OR10Z1: variants seen among roughly 807,000 people sequenced by gnomAD.
The protein encoded by OR10Z1 is olfactory receptor 10Z1.
For synonymous variants in OR10Z1, 187 were observed against 151.2 expected, an observed-to-expected ratio of 1.24 and a Z score of -1.74; for missense variants, 468 against 371.0, an observed-to-expected ratio of 1.26 and a Z score of -2.15.
Position 158,611,030 on chromosome 1 carries a change from A to G in OR10Z1, c.*3650A>G, listed in dbSNP as rs1649222052. Reference sequence around the variant, plus strand: ...ACCCCTCAGCAGTGACTAGTTGCATACAAAATAGCTTCCACTCCTCCAACT... The same window carrying G: ...ACCCCTCAGCAGTGACTAGTTGCATGCAAAATAGCTTCCACTCCTCCAACT... On this transcript the variant is annotated 3_prime_UTR_variant, in exon 2 of 2. Transcript: ENST00000641002. 1.9e-6 allele frequency: 1 copy of G among 538,210 alleles called. No individual in the cohort carries two copies. The highest frequency in any genetic ancestry group is 3.3e-6 in the Non-Finnish European group (1 of 300,184). The allele number at this position is 538,210 out of a possible 1,614,324, so 33.3% of individuals were successfully genotyped here. A position where few individuals can be genotyped will look rare whatever the true frequency, so the allele number is the denominator to read the frequency against.
rs1649309835 is a variant in OR10Z1 at position 158,612,374 on chromosome 1, A to G, written c.*4994A>G. The G allele has an allele frequency of 4.5e-6, 1 of 222,210 alleles. No homozygotes were observed. Among genetic ancestry groups the G allele is most frequent in the African/African-American group, 2.3e-5 (1 of 42,564 alleles). 13.8% of individuals were successfully genotyped at this position (222,210 alleles called of 1,614,324 possible). A position where few individuals can be genotyped will look rare whatever the true frequency, so the allele number is the denominator to read the frequency against. The stretch of plus-strand genomic sequence containing the variant: ...GAGAAGAGAGATTACTTCTGGTTGT[A>G]ATAAAATTCCCCACATCTTTGTTCC... On this transcript the variant is annotated 3_prime_UTR_variant, in exon 2 of 2. Coordinates refer to ENST00000641002, the MANE Select transcript of OR10Z1 (RefSeq NM_001004478.2).
rs760278042 is a variant in OR10Z1, at chr1:158,609,146, T to C, written c.*1766T>C. ...GAATTCACAGGATTTGGCAGTGAGA[T>C]AGAAGTGGGGCATGGCTTGAGAGAC... On this transcript the variant is annotated 3_prime_UTR_variant, in exon 2 of 2. Coordinates refer to ENST00000641002, the MANE Select transcript of OR10Z1 (RefSeq NM_001004478.2). 1.3e-5 allele frequency: 2 copies of C among 152,102 alleles called. No individual in the cohort carries two copies. Among genetic ancestry groups the C allele is most frequent in the Non-Finnish European group, 2.9e-5 (2 of 68,016 alleles). 9.4% of individuals were successfully genotyped at this position (152,102 alleles called of 1,614,324 possible).
Position 158,611,425 on chromosome 1 carries a change from G to T in OR10Z1, c.*4045G>T, listed in dbSNP as rs1356226855. The T allele has an allele frequency of 6.2e-7, 1 of 1,611,718 alleles. No individual in the cohort carries two copies. Among genetic ancestry groups the T allele is most frequent in the Non-Finnish European group, 8.5e-7 (1 of 1,178,702 alleles). On this transcript the variant is annotated 3_prime_UTR_variant, in exon 2 of 2. Coordinates refer to ENST00000641002, the MANE Select transcript of OR10Z1 (RefSeq NM_001004478.2). ...TAAAAAGAGAAAAATACAGTTATAGGGATTCAAAATAGCTGGTTCCTTGGG... is the reference window on the plus strand; with the variant it reads ...TAAAAAGAGAAAAATACAGTTATAGTGATTCAAAATAGCTGGTTCCTTGGG...
chr1:158,606,810 G>A lies in OR10Z1; in HGVS notation c.372G>A (p.Val124=). ...CTGCCATGGGCTTTGACAGATATGT[G>A]GCCATCTGTGCTCCACTCCACTATG... ...LLAAMGFDRY[V]AICAPLHYAS... The change falls in exon 2 of 2, where the codon GTG becomes GTA. Residue 124 remains valine, a synonymous_variant. Transcript: ENST00000641002. 6.2e-7 allele frequency: 1 copy of A among 1,613,872 alleles called. No individual in the cohort carries two copies. Among genetic ancestry groups the A allele is most frequent in the Non-Finnish European group, 8.5e-7 (1 of 1,179,940 alleles).
In OR10Z1 at chr1:158,611,257, C is replaced by T. The variant is rs1348516433; in HGVS notation, c.*3877C>T. The T allele has an allele frequency of 3.7e-6, 6 of 1,613,436 alleles. No individual in the cohort carries two copies. Among genetic ancestry groups the T allele is most frequent in the South Asian group, 1.1e-5 (1 of 91,072 alleles). Reference sequence around the variant, plus strand: ...AAGATTTTCTACGATCCACGAGGAGCTGCTTATTAGTTGCCAAAGTAGGAA... The same window carrying T: ...AAGATTTTCTACGATCCACGAGGAGTTGCTTATTAGTTGCCAAAGTAGGAA... On this transcript the variant is annotated 3_prime_UTR_variant, in exon 2 of 2. Transcript: ENST00000641002.
At position 158,608,357 on chromosome 1, in the gene OR10Z1, G is replaced by A. The variant is rs891235570; in HGVS notation, c.*977G>A. 12 of 152,146 alleles carry A rather than the reference G, an allele frequency of 7.9e-5. No homozygotes were observed. Among genetic ancestry groups the A allele is most frequent in the African/African-American group, 1.2e-4 (5 of 41,434 alleles). 9.4% of individuals were successfully genotyped at this position (152,146 alleles called of 1,614,324 possible). A position where few individuals can be genotyped will look rare whatever the true frequency, so the allele number is the denominator to read the frequency against. On this transcript the variant is annotated 3_prime_UTR_variant, in exon 2 of 2. Coordinates refer to ENST00000641002, the MANE Select transcript of OR10Z1 (RefSeq NM_001004478.2). ...GAAAGTGTAATGAACTCACAAGACC[G>A]TCAGGCAGGAGTTTGAATCCAAACT...
Position 158,611,131 on chromosome 1 carries a change from GCACACACACACACACACACA to G in OR10Z1, c.*3767_*3786del. 1.5e-6 allele frequency: 1 copy of G among 670,344 alleles called. No individual in the cohort carries two copies. The allele number at this position is 670,344 out of a possible 1,614,324, so 41.5% of individuals were successfully genotyped here. A position where few individuals can be genotyped will look rare whatever the true frequency, so the allele number is the denominator to read the frequency against. On this transcript the variant is annotated 3_prime_UTR_variant, in exon 2 of 2. Transcript: ENST00000641002. ...AAATGTAATATGCACACAAACACAA[GCACACACACACACACACACA>G]CACACACACACACACGAGGCCATCT...
rs577298438 is a variant in OR10Z1 at position 158,606,485 on chromosome 1, G to A, written c.47G>A (p.Gly16Asp). 26 of 1,613,884 alleles carry A rather than the reference G, an allele frequency of 1.6e-5. No individual in the cohort carries two copies. The South Asian group carries it at 2.7e-4, about 17-fold the overall frequency. ...TCCTGGAGGGATTTTGTCTTCCTGG[G>A]CTTCTCCAGTTCTGGGGAGTTGCAG... ...VTSWRDFVFL[G>D]FSSSGELQLL... The change falls in exon 2 of 2, where the codon GGC becomes GAC. Residue 16 changes from glycine to aspartate, a missense_variant. Gly to Asp is a moderately conservative substitution (Grantham distance 94). Transcript: ENST00000641002.
In OR10Z1 at chr1:158,606,616, T is replaced by C. The variant is rs757323563; in HGVS notation, c.178T>C (p.Tyr60His). 1 of 1,614,086 alleles carries C rather than the reference T, an allele frequency of 6.2e-7. No individual in the cohort carries two copies. The highest frequency in any genetic ancestry group is 8.5e-7 in the Non-Finnish European group (1 of 1,179,954). ...GGATAGCCATCTGCACACCCCCATG[T>C]ACCTCTTCCTTTCCTTCCTATCCTT... Reference protein sequence around the residue: ...RLDSHLHTPMYLFLSFLSFSE... With the variant: ...RLDSHLHTPMHLFLSFLSFSE... Residue 60 changes from tyrosine (Y) to histidine (H), a missense_variant, in exon 2 of 2, where the codon TAC becomes CAC. Physicochemically the swap from Tyr to His is moderately conservative, Grantham distance 83. Transcript: ENST00000641002.
Position 158,606,403 on chromosome 1 carries a change from G to A in OR10Z1, c.-36G>A, listed in dbSNP as rs931027332. The A allele has an allele frequency of 7.2e-7, 1 of 1,384,780 alleles. No individual in the cohort carries two copies. The highest frequency in any genetic ancestry group is 1.4e-5 in the African/African-American group (1 of 69,480). The allele number at this position is 1,384,780 out of a possible 1,614,324, so 85.8% of individuals were successfully genotyped here. On this transcript the variant is annotated 5_prime_UTR_variant, in exon 2 of 2. Coordinates refer to ENST00000641002, the MANE Select transcript of OR10Z1 (RefSeq NM_001004478.2). ...TTAGGCATCTACTGGCAAGGTGGAA[G>A]AAATCAACAAATCTATCAGGGATAT...
rs1410384966 is a variant in OR10Z1 at position 158,612,431 on chromosome 1, T to G, written c.*5051T>G. 1 of 287,570 alleles carries G rather than the reference T, an allele frequency of 3.5e-6. No individual in the cohort carries two copies. Among genetic ancestry groups the G allele is most frequent in the Non-Finnish European group, 6.7e-6 (1 of 148,666 alleles). 17.8% of individuals were successfully genotyped at this position (287,570 alleles called of 1,614,324 possible). A position where few individuals can be genotyped will look rare whatever the true frequency, so the allele number is the denominator to read the frequency against. On this transcript the variant is annotated 3_prime_UTR_variant, in exon 2 of 2. Coordinates refer to ENST00000641002, the MANE Select transcript of OR10Z1 (RefSeq NM_001004478.2). ...AGATGTGTTTGCTTCTGTTACAGTG[T>G]TTTTAACTTGTAAAGTTCTGTCTTC...
chr1:158,608,308 T>C lies in OR10Z1; in HGVS notation c.*928T>C, dbSNP rs1472637477. 2 of 152,172 alleles carry C rather than the reference T, an allele frequency of 1.3e-5. No homozygotes were observed. Among genetic ancestry groups the C allele is most frequent in the Admixed American group, 6.6e-5 (1 of 15,266 alleles). The allele number at this position is 152,172 out of a possible 1,614,324, so 9.4% of individuals were successfully genotyped here. A position where few individuals can be genotyped will look rare whatever the true frequency, so the allele number is the denominator to read the frequency against. On this transcript the variant is annotated 3_prime_UTR_variant, in exon 2 of 2. Coordinates refer to ENST00000641002, the MANE Select transcript of OR10Z1 (RefSeq NM_001004478.2). The stretch of plus-strand genomic sequence containing the variant: ...CCACTTTCCACATATAATGTGGTTA[T>C]ATATAGCGGCGGACATTATTAGAGA...
intron 1 of OR10Z1, among the ~76,000 whole-genome samples, chr1:158,605,791 C>A (rs769055585): frequency 6.6e-6 from 1 of 152,166 alleles, no homozygotes; most frequent in Non-Finnish European, 1.5e-5. Context: ...AAAGTCACTT[C>A]ACCTCTCTTG....
At position 158,611,446 on chromosome 1, in the gene OR10Z1, T is replaced by C; in HGVS notation, c.*4066T>C. On this transcript the variant is annotated 3_prime_UTR_variant, in exon 2 of 2. Transcript: ENST00000641002. ...ATAGGGATTCAAAATAGCTGGTTCC[T>C]TGGGGCTTCCCATATTACGCCATAA... is the stretch of plus-strand genomic sequence containing the variant. 6.2e-7 allele frequency: 1 copy of C among 1,606,252 alleles called. No homozygotes were observed. Among genetic ancestry groups the C allele is most frequent in the South Asian group, 1.1e-5 (1 of 90,648 alleles).
rs141344138 is a variant in OR10Z1, at chr1:158,607,330, C to G, written c.892C>G (p.Gln298Glu). Reference sequence around the variant, plus strand: ...TTATAGTCTAAGGAATAGGGCTATACAGACAGCTCTGAGGAATGCTTTCAG... The same window carrying G: ...TTATAGTCTAAGGAATAGGGCTATAGAGACAGCTCTGAGGAATGCTTTCAG... ...IVYSLRNRAI[Q>E]TALRNAFRGR... Residue 298 changes from glutamine (Q) to glutamate (E), a missense_variant, in exon 2 of 2, where the codon CAG becomes GAG. Coordinates refer to ENST00000641002, the MANE Select transcript of OR10Z1 (RefSeq NM_001004478.2). 1.2e-5 allele frequency: 19 copies of G among 1,613,692 alleles called. No individual in the cohort carries two copies. The African/African-American group carries it at 1.6e-4, about 14-fold the overall frequency.
chr1:158,606,733 G>T lies in OR10Z1; in HGVS notation c.295G>T (p.Ala99Ser), dbSNP rs921532818. 7 of 1,613,892 alleles carry T rather than the reference G, an allele frequency of 4.3e-6. No individual in the cohort carries two copies. The African/African-American group carries it at 9.3e-5, about 22-fold the overall frequency. ...GGCTATCTCCTATGTGGGCTGTGCT[G>T]CCCAGATGTTCTTTTCTGCCTCATG... is the stretch of plus-strand genomic sequence containing the variant. ...DQAISYVGCAAQMFFSASWAC... is the reference protein window; with the variant it reads ...DQAISYVGCASQMFFSASWAC... Residue 99 changes from alanine (A) to serine (S), a missense_variant, in exon 2 of 2, where the codon GCC becomes TCC. Physicochemically the swap from Ala to Ser is moderately conservative, Grantham distance 99. Transcript: ENST00000641002.
chr1:158,611,001 T>C lies in OR10Z1; in HGVS notation c.*3621T>C. 1 of 396,162 alleles carries C rather than the reference T, an allele frequency of 2.5e-6. No individual in the cohort carries two copies. The highest frequency in any genetic ancestry group is 4.6e-6 in the Non-Finnish European group (1 of 215,686). 24.5% of individuals were successfully genotyped at this position (396,162 alleles called of 1,614,324 possible). A position where few individuals can be genotyped will look rare whatever the true frequency, so the allele number is the denominator to read the frequency against. On this transcript the variant is annotated 3_prime_UTR_variant, in exon 2 of 2. Transcript: ENST00000641002. ...ACAGAACAAATAAAAATAGAAACTT[T>C]GACACCCCTCAGCAGTGACTAGTTG...
rs763978488 is a variant in OR10Z1, at chr1:158,607,190, A to C, written c.752A>C (p.His251Pro). Residue 251 changes from histidine to proline, a missense_variant, in exon 2 of 2, where the codon CAT (histidine) becomes CCT (proline). Transcript: ENST00000641002. Reference protein sequence around the residue: ...CASHLTVVIIHYGCASFVYLR... With the variant: ...CASHLTVVIIPYGCASFVYLR... Reference sequence around the variant, plus strand: ...TCGCACCTTACAGTGGTCATTATTCATTATGGCTGTGCTTCCTTCGTGTAC... The same window carrying C: ...TCGCACCTTACAGTGGTCATTATTCCTTATGGCTGTGCTTCCTTCGTGTAC... 8.1e-6 allele frequency: 13 copies of C among 1,613,926 alleles called. No individual in the cohort carries two copies. In the East Asian group the frequency reaches 2.9e-4, roughly 36 times the overall value.
Position 158,611,004 on chromosome 1 carries a change from C to T in OR10Z1, c.*3624C>T, listed in dbSNP as rs1056648963. The T allele has an allele frequency of 2.5e-6, 1 of 395,542 alleles. No individual in the cohort carries two copies. The allele number at this position is 395,542 out of a possible 1,614,324, so 24.5% of individuals were successfully genotyped here. A position where few individuals can be genotyped will look rare whatever the true frequency, so the allele number is the denominator to read the frequency against. ...GAACAAATAAAAATAGAAACTTTGA[C>T]ACCCCTCAGCAGTGACTAGTTGCAT... On this transcript the variant is annotated 3_prime_UTR_variant, in exon 2 of 2. Coordinates refer to ENST00000641002, the MANE Select transcript of OR10Z1 (RefSeq NM_001004478.2).
Sources: gnomAD v4.1 joint callset for allele counts (sites outside exome capture counted in the v4.1 genomes callset) on GRCh38, gnomAD v4.1.1 for gene constraint, MANE v1.5 for transcripts, NCBI Gene and HGNC (gene_info 2026-07-23, HGNC 2026-07-21) for gene names.